Variants in ROR2 observed in about 807,000 individuals in gnomAD.
ROR2 encodes the protein tyrosine-protein kinase transmembrane receptor ROR2.
A neutral mutation model predicts 74.9 loss-of-function variants in ROR2; 33 were observed. The ratio of observed to expected loss-of-function variants is 0.44; its 90% CI spans 0.33 to 0.59. The LOEUF (loss-of-function observed/expected upper bound fraction) is 0.59. ROR2 is among the 20% of genes least tolerant of loss of function. ROR2 has a pLI of 0.02. For missense variants in ROR2, 1,216 were observed against 1,313.8 expected (o/e 0.93, Z 1.15); for synonymous variants, 586 against 558.7 (o/e 1.05, Z -0.69).
intron 1 of ROR2, among the ~76,000 whole-genome samples, chr9:91,878,326 C>T (rs1440645707): frequency 2.6e-5 from 4 of 152,190 alleles, no homozygotes; most frequent in Non-Finnish European, 5.9e-5. Context: ...GGCCCTTCTT[C>T]TCCACCTGGT....
intron 1 of ROR2, among the ~76,000 whole-genome samples, chr9:91,879,436 G>T (rs1455572344): frequency 4.7e-5 from 7 of 147,398 alleles, no homozygotes; most frequent in Non-Finnish European, 1.0e-4. Flanking sequence ...GTGTGGGTGT[G>T]GGGGGGTGTG....
intron 4 of ROR2, 54 bp downstream of exon 4, chr9:91,756,017 A>C (rs988069720): frequency 1.4e-5 from 23 of 1,587,572 alleles, no homozygotes; most frequent in Non-Finnish European, 2.0e-5. Flanking sequence ...GGATTCCTAC[A>C]TAACAAAAAC....
chr9:91,906,057 T>C (rs1292278939), intron 1 of ROR2, among the ~76,000 whole-genome samples: 1 of 149,398 alleles, frequency 6.7e-6, no homozygotes, highest in Non-Finnish European at 1.5e-5. Flanking sequence ...TGAGCAGGCA[T>C]AATAAAGTTA....
chr9:91,879,855 T>A (rs911333607), intron 1 of ROR2, among the ~76,000 whole-genome samples: 1 of 152,178 alleles, frequency 6.6e-6, no homozygotes, highest in African/African-American at 2.4e-5. Context: ...CACGTGTCCA[T>A]CTTTGCTTAA....
chr9:91,850,911 A>G (rs551884487), intron 1 of ROR2, among the ~76,000 whole-genome samples: 1 of 152,084 alleles, frequency 6.6e-6, no homozygotes, highest in African/African-American at 2.4e-5. Context: ...ATTCTCATCT[A>G]TTTTTTTCAG....
chr9:91,916,524 C>T (rs1831140618), intron 1 of ROR2, among the ~76,000 whole-genome samples: 2 of 152,206 alleles, frequency 1.3e-5, no homozygotes, highest in Non-Finnish European at 2.9e-5. Context: ...GCAACTTCCC[C>T]TGGACTTCAA....
rs1825625686 is a variant in ROR2, at chr9:91,752,571, G to A, written c.494+3500C>T. Among the ~76,000 whole-genome samples the A allele has an allele frequency of 3.9e-5, 6 of 152,330 alleles. No homozygotes were observed. In the South Asian group the frequency reaches 1.2e-3, roughly 32 times the overall value. On this transcript the variant is annotated intron_variant, in intron 4 of 8. Coordinates refer to ENST00000375708, the MANE Select transcript of ROR2 (RefSeq NM_004560.4). Reference sequence around the variant, plus strand: ...AAAAATCAGAATAGTGGGTGCCTGGGGTAGAAGGGAGTTGACTAGGAAGTT... The same window carrying A: ...AAAAATCAGAATAGTGGGTGCCTGGAGTAGAAGGGAGTTGACTAGGAAGTT...
chr9:91,793,489 G>GA (rs893198018), intron 1 of ROR2, among the ~76,000 whole-genome samples: 10 of 152,142 alleles, frequency 6.6e-5, no homozygotes, highest in Non-Finnish European at 8.8e-5. Context: ...TCATTAATGA[G>GA]AAAAAAGACT....
At chr9:91,903,609 ATTTTCTC>A (rs1830728080) in intron 1 of ROR2, among the ~76,000 whole-genome samples, 1 of 152,046 alleles carries the variant, frequency 6.6e-6, no homozygotes, top group Admixed American at 6.5e-5. Flanking sequence ...AAGAACAAAG[ATTTTCTC>A]CTAAACCAGC....
At chr9:91,730,745 C>T (rs1241370099) in intron 7 of ROR2, among the ~76,000 whole-genome samples, 165 bp downstream of exon 7, 2 of 152,146 alleles carry the variant, frequency 1.3e-5, no homozygotes, top group African/African-American at 2.4e-5. Flanking sequence ...TCAGCCACTA[C>T]GCGTGGCCCA....
At chr9:91,852,651 CCA>C (rs796222177) in intron 1 of ROR2, among the ~76,000 whole-genome samples, 59 of 143,264 alleles carry the variant, frequency 4.1e-4, no homozygotes, top group African/African-American at 1.5e-3. Flanking sequence ...ACACACACAC[CCA>C]CACACACAAT....
At chr9:91,878,138 C>G (rs1295336473) in intron 1 of ROR2, among the ~76,000 whole-genome samples, 14 of 152,230 alleles carry the variant, frequency 9.2e-5, no homozygotes, top group Admixed American at 9.2e-4. Context: ...GGAAAAAAAA[C>G]ACCCTAGAGT....
intron 1 of ROR2, among the ~76,000 whole-genome samples, chr9:91,781,233 C>T (rs1159644867): frequency 6.6e-6 from 1 of 152,162 alleles, no homozygotes; most frequent in Non-Finnish European, 1.5e-5. Context: ...GGAAAAAGCA[C>T]AGCCTGAGAA....
intron 2 of ROR2, among the ~76,000 whole-genome samples, chr9:91,772,749 T>C (rs1826276719): frequency 6.6e-6 from 1 of 152,180 alleles, no homozygotes; most frequent in Non-Finnish European, 1.5e-5. Flanking sequence ...TGAACACACA[T>C]GGTTTTTAAA....
chr9:91,793,446 A>G (rs1827067323), intron 1 of ROR2, among the ~76,000 whole-genome samples: 1 of 152,192 alleles, frequency 6.6e-6, no homozygotes, highest in African/African-American at 2.4e-5. Flanking sequence ...AGACTTAAGC[A>G]TATAATACAA....
At chr9:91,948,683 C>T (rs1407164241) in intron 1 of ROR2, 8 of 985,436 alleles carry the variant, frequency 8.1e-6, no homozygotes, top group South Asian at 4.7e-5. Context: ...AGCAGAGCGT[C>T]TCCCAGCCTG....
intron 7 of ROR2, among the ~76,000 whole-genome samples, chr9:91,728,932 T>C (rs1392249316): frequency 6.6e-6 from 1 of 152,236 alleles, no homozygotes; most frequent in Non-Finnish European, 1.5e-5. Context: ...GTTTTATGTT[T>C]AGCTCTCACA....
chr9:91,810,092 C>T (rs918568051), intron 1 of ROR2, among the ~76,000 whole-genome samples: 48 of 152,272 alleles, frequency 3.2e-4, no homozygotes, highest in African/African-American at 1.1e-3. Flanking sequence ...ACAGCAGGCA[C>T]AGGGCCTCCA....
chr9:91,847,207 G>C (rs892755975), intron 1 of ROR2, among the ~76,000 whole-genome samples: 1 of 152,134 alleles, frequency 6.6e-6, no homozygotes, highest in African/African-American at 2.4e-5. Flanking sequence ...AGTATGTGCA[G>C]GTCTGCAGAC....
Sources: gnomAD v4.1 joint callset for allele counts (sites outside exome capture counted in the v4.1 genomes callset) on GRCh38, gnomAD v4.1.1 for gene constraint, MANE v1.5 for transcripts, NCBI Gene and HGNC (gene_info 2026-07-23, HGNC 2026-07-21) for gene names.